Variants in GRIK1 observed in about 807,000 individuals in gnomAD.
The protein encoded by GRIK1 is glutamate ionotropic receptor kainate type subunit 1.
In GRIK1, 69 loss-of-function variants were observed where a neutral mutation model predicts 105.7. The ratio of observed to expected loss-of-function variants is 0.65; its 90% confidence interval spans 0.54 to 0.80. GRIK1 has a LOEUF of 0.80. Ranked by LOEUF, GRIK1 falls within the 30% of genes least tolerant of loss-of-function variation. GRIK1 has a pLI of 0.00. For synonymous variants in GRIK1, 438 were observed against 431.3 expected (o/e 1.02, Z -0.19); for missense variants, 1,109 against 1,167.3 (o/e 0.95, Z 0.73).
intron 7 of GRIK1, chr21:29,601,309 A>G (rs1425598997): frequency 1.8e-5 from 8 of 449,078 alleles, no homozygotes; most frequent in Non-Finnish European, 9.5e-6. Flanking sequence ...CTTTAGACTC[A>G]GACTAGACTT....
intron 1 of GRIK1, among the ~76,000 whole-genome samples, chr21:29,751,785 G>A (rs1368931519): frequency 2.6e-5 from 4 of 152,294 alleles, no homozygotes; most frequent in South Asian, 4.1e-4. Context: ...CAAGTAATCT[G>A]ACCAGTTTGT....
intron 6 of GRIK1, among the ~76,000 whole-genome samples, chr21:29,644,492 T>C (rs181620664): frequency 6.6e-6 from 1 of 152,348 alleles, no homozygotes; most frequent in East Asian, 1.9e-4. Context: ...TTTTAAGATA[T>C]AGTTTTAAGA....
In GRIK1 at chr21:29,587,527, G is replaced by A. The variant is rs369952244; in HGVS notation, c.1632C>T (p.Phe544=). The change falls in exon 12 of 18, where the codon TTC becomes TTT. Residue 544 remains phenylalanine, a synonymous_variant. Coordinates refer to ENST00000327783, the MANE Select transcript of GRIK1 (RefSeq NM_001330994.2). The part of the protein sequence containing the change: ...ITYVREKVID[F]SKPFMTLGIS... ...TGCCTAGGGTCATGAAGGGTTTGGAGAAGTCAATGACTTTCTCCCGCACGT... is the reference window on the plus strand; with the variant it reads ...TGCCTAGGGTCATGAAGGGTTTGGAAAAGTCAATGACTTTCTCCCGCACGT... The A allele has an allele frequency of 3.7e-6, 6 of 1,613,688 alleles. No homozygotes were observed. The African/African-American group carries it at 5.3e-5, about 14-fold the overall frequency.
chr21:29,613,484 T>G (rs907176042), intron 7 of GRIK1, among the ~76,000 whole-genome samples: 10 of 152,232 alleles, frequency 6.6e-5, no homozygotes, highest in Non-Finnish European at 1.5e-4. Flanking sequence ...CATAGATCTT[T>G]GTCTGATACT....
At chr21:29,723,098 T>G (rs2064362866) in intron 1 of GRIK1, among the ~76,000 whole-genome samples, 1 of 152,170 alleles carries the variant, frequency 6.6e-6, no homozygotes, top group African/African-American at 2.4e-5. Context: ...AGGATTGACT[T>G]GAGCCCAGGA....
At chr21:29,913,493 C>A (rs913040858) in intron 1 of GRIK1, among the ~76,000 whole-genome samples, 5 of 151,928 alleles carry the variant, frequency 3.3e-5, no homozygotes, top group African/African-American at 9.6e-5. Context: ...GTCCCTGAAT[C>A]TAATAACCAT....
chr21:29,561,977 A>T (rs2146177801), intron 14 of GRIK1, 128 bp from the exon 15 acceptor site: 1 of 645,582 alleles, frequency 1.5e-6, no homozygotes, highest in Middle Eastern at 2.6e-4. Context: ...GGGAGTCAAG[A>T]TTGATGATCT....
At chr21:29,599,445 T>C (rs1601226968) in intron 7 of GRIK1, among the ~76,000 whole-genome samples, 1 of 152,242 alleles carries the variant, frequency 6.6e-6, no homozygotes, top group African/African-American at 2.4e-5. Flanking sequence ...CTGTAGCAAG[T>C]AATCACAAAC....
chr21:29,868,126 G>A (rs1483979645), intron 1 of GRIK1, among the ~76,000 whole-genome samples: 4 of 152,078 alleles, frequency 2.6e-5, no homozygotes, highest in African/African-American at 9.7e-5. Context: ...TATGGGAAAA[G>A]GCATCTGAAA....
At chr21:29,562,571 C>A (rs1331449820) in intron 14 of GRIK1, among the ~76,000 whole-genome samples, 1 of 152,080 alleles carries the variant, frequency 6.6e-6, no homozygotes, top group Non-Finnish European at 1.5e-5. Flanking sequence ...AGGAGAATCG[C>A]TTGAACCCGG....
Position 29,772,530 on chromosome 21 carries a change from G to A in GRIK1, c.119-78467C>T, listed in dbSNP as rs563291075. On this transcript the variant is annotated intron_variant, in intron 1 of 17. Transcript: ENST00000327783. ...AAGACATAGTCTTCTATGTAATCAA[G>A]GACAAAGTTTTATCTTTCATATCCT... Among the ~76,000 whole-genome samples, 5 of 152,128 alleles carry A rather than the reference G, an allele frequency of 3.3e-5. No homozygotes were observed. In the South Asian group the frequency reaches 1.0e-3, roughly 32 times the overall value.
At chr21:29,876,259 T>C (rs574778062) in intron 1 of GRIK1, among the ~76,000 whole-genome samples, 1 of 152,126 alleles carries the variant, frequency 6.6e-6, no homozygotes, top group Non-Finnish European at 1.5e-5. Flanking sequence ...CATTGGGCCA[T>C]TTCATAACAG....
At chr21:29,538,149 A>ATGTG (rs1322516532) in intron 16 of GRIK1, among the ~76,000 whole-genome samples, 210 of 152,348 alleles carry the variant, frequency 1.4e-3, no homozygotes, top group African/African-American at 4.4e-3. Flanking sequence ...TAAATGGACC[A>ATGTG]ATAAAACATA....
intron 1 of GRIK1, among the ~76,000 whole-genome samples, chr21:29,863,624 G>A (rs1052423898): frequency 3.9e-5 from 6 of 152,038 alleles, no homozygotes; most frequent in East Asian, 1.9e-4. Context: ...TAGAAACCAC[G>A]GACCTGCTTT....
chr21:29,649,199 C>T (rs2062676908), intron 6 of GRIK1, among the ~76,000 whole-genome samples: 1 of 152,108 alleles, frequency 6.6e-6, no homozygotes, highest in African/African-American at 2.4e-5. Flanking sequence ...GTAAATGTTA[C>T]GCTTCACATA....
chr21:29,592,730 G>A (rs2061350447), intron 9 of GRIK1, among the ~76,000 whole-genome samples: 1 of 152,184 alleles, frequency 6.6e-6, no homozygotes, highest in African/African-American at 2.4e-5. Context: ...GTTAAGACCT[G>A]CACACATAGT....
Position 29,642,953 on chromosome 21 carries a change from A to G in GRIK1, c.971T>C (p.Met324Thr), listed in dbSNP as rs1333751180. Residue 324 changes from methionine (M) to threonine (T), a missense_variant, in exon 7 of 18, where the codon ATG becomes ACG. Met to Thr is a moderately conservative substitution (Grantham distance 81, BLOSUM62 -1). Transcript: ENST00000327783. Reference sequence around the variant, plus strand: ...GGCCACCATGTACACAGCATCGTACATCAGAGCCGCTTCAGTCTGTGGAGG... The same window carrying G: ...GGCCACCATGTACACAGCATCGTACGTCAGAGCCGCTTCAGTCTGTGGAGG... ...DGMMTTEAAL[M>T]YDAVYMVAIA... 1 of 1,614,028 alleles carries G rather than the reference A, an allele frequency of 6.2e-7. No individual in the cohort carries two copies. The highest frequency in any genetic ancestry group is 1.3e-5 in the African/African-American group (1 of 75,062).
intron 1 of GRIK1, among the ~76,000 whole-genome samples, chr21:29,787,992 A>G (rs1009679568): frequency 3.9e-5 from 6 of 152,204 alleles, no homozygotes; most frequent in African/African-American, 1.4e-4. Flanking sequence ...TCAATTTGAG[A>G]CAATATAATT....
At chr21:29,827,862 G>A (rs924243406) in intron 1 of GRIK1, among the ~76,000 whole-genome samples, 1 of 152,018 alleles carries the variant, frequency 6.6e-6, no homozygotes, top group Non-Finnish European at 1.5e-5. Flanking sequence ...TCTTCTGCTG[G>A]TCTTGCCAGT....
Sources: gnomAD v4.1 joint callset for allele counts (sites outside exome capture counted in the v4.1 genomes callset) on GRCh38, gnomAD v4.1.1 for gene constraint, MANE v1.5 for transcripts, NCBI Gene and HGNC (gene_info 2026-07-23, HGNC 2026-07-21) for gene names.